Variants in CCNH observed in about 807,000 individuals in gnomAD.
CCNH encodes the protein cyclin H.
Under a neutral mutation model 41.9 loss-of-function variants are expected in CCNH, and 31 were observed. That is an observed-to-expected ratio of 0.74 (90% CI 0.56 to 1.00). The LOEUF is 1.00. Ranked by LOEUF, CCNH falls within the 50% of genes least tolerant of loss-of-function variation. CCNH has a pLI of 0.00. For missense variants in CCNH, 362 were observed against 388.4 expected (o/e 0.93, Z 0.57); for synonymous variants, 138 against 136.1 (o/e 1.01, Z -0.10).
At chr5:87,339,031 CCCTTT>C (rs1212220735) in intron 9 of CCNH, among the ~76,000 whole-genome samples, 4 of 152,116 alleles carry the variant, frequency 2.6e-5, no homozygotes, top group African/African-American at 7.2e-5. Flanking sequence ...TTGGAATTCT[CCCTTT>C]CCTTTCGGAT....
At position 87,332,357 on chromosome 5, in the gene CCNH, G is replaced by A. The variant is rs578169577; in HGVS notation, c.*91-13460C>T. On this transcript the variant is annotated intron_variant and NMD_transcript_variant, in intron 9 of 9. Transcript: ENST00000645953. Reference sequence around the variant, plus strand: ...ATAGCCCCAAGTAATTTACTGTGATGAAGATACTAATAAGTGGTATTTTAG... The same window carrying A: ...ATAGCCCCAAGTAATTTACTGTGATAAAGATACTAATAAGTGGTATTTTAG... The A allele has an allele frequency of 9.9e-5, 74 of 747,522 alleles. No individual in the cohort carries two copies. The East Asian group carries it at 1.9e-3, about 19-fold the overall frequency. The allele number at this position is 747,522 out of a possible 1,614,324, so 46.3% of individuals were successfully genotyped here.
At chr5:87,392,940 G>A (rs1169821164), downstream of CCNH, 2 of 152,190 alleles carry the variant, frequency 1.3e-5, no homozygotes, top group Non-Finnish European at 2.9e-5. Context: ...TGAACATCTT[G>A]TAATTCTGTC....
chr5:87,312,463 T>C, the CCNH span, among the ~76,000 whole-genome samples: 2 of 152,230 alleles, frequency 1.3e-5, no homozygotes, highest in African/African-American at 2.4e-5. Context: ...TCTAAACATT[T>C]AAGATTTTCT....
chr5:87,389,127 A>G (rs544933279), downstream of CCNH, among the ~76,000 whole-genome samples: 32 of 152,304 alleles, frequency 2.1e-4, no homozygotes, highest in African/African-American at 3.6e-4. Context: ...AATATACCCA[A>G]TTAGAATCTT....
rs560599430 is a variant in CCNH, at chr5:87,359,494, T to G, written c.*90+33276A>C. The stretch of plus-strand genomic sequence containing the variant: ...GCTAGTCCCCACTTTAATATGATTT[T>G]TAAAAGATCTATATAGATTCCAAGA... On this transcript the variant is annotated intron_variant and NMD_transcript_variant, in intron 9 of 9. Coordinates refer to the CCNH transcript ENST00000645953. Among the ~76,000 whole-genome samples, 3 of 152,174 alleles carry G rather than the reference T, an allele frequency of 2.0e-5. No individual in the cohort carries two copies. In the South Asian group the frequency reaches 6.2e-4, roughly 32 times the overall value.
intron 9 of CCNH, among the ~76,000 whole-genome samples, chr5:87,342,516 G>GA (rs1758546223): frequency 6.6e-6 from 1 of 152,158 alleles, no homozygotes; most frequent in South Asian, 2.1e-4. Flanking sequence ...GTAAGCAAGT[G>GA]AAGCGGGTCA....
chr5:87,334,901 T>G (rs1005924362), intron 9 of CCNH, among the ~76,000 whole-genome samples: 1 of 152,128 alleles, frequency 6.6e-6, no homozygotes, highest in Admixed American at 6.5e-5. Context: ...TTTTTTTTTT[T>G]GAGACAGAAT....
At chr5:87,344,965 C>G (rs1758747985) in intron 9 of CCNH, among the ~76,000 whole-genome samples, 1 of 152,056 alleles carries the variant, frequency 6.6e-6, no homozygotes, top group Non-Finnish European at 1.5e-5. Flanking sequence ...TCTGTTACTC[C>G]CAAAATGCCT....
intron 9 of CCNH, among the ~76,000 whole-genome samples, chr5:87,336,087 A>G (rs1465698578): frequency 6.6e-5 from 10 of 152,236 alleles, no homozygotes; most frequent in Non-Finnish European, 1.2e-4. Flanking sequence ...CAAAAAAATC[A>G]TATAGCAGCA....
In CCNH at chr5:87,376,573, A is replaced by G. The variant is rs1289712166; in HGVS notation, n.608T>C. 7 of 1,610,258 alleles carry G rather than the reference A, an allele frequency of 4.3e-6. No individual in the cohort carries two copies. Among genetic ancestry groups the G allele is most frequent in the East Asian group, 4.5e-5 (2 of 44,748 alleles). On this transcript the variant is annotated non_coding_transcript_exon_variant, in exon 1 of 1. Coordinates refer to the CCNH transcript ENST00000607486. ...TACAGTGAATTTAAAGAGGTATTAA[A>G]TTATTTATCAGTCTTGTTTTTGTTG...
At chr5:87,362,558 A>G (rs2112456398) in intron 9 of CCNH, 1 of 1,590,722 alleles carries the variant, frequency 6.3e-7, no homozygotes. Flanking sequence ...CAGGATCAAG[A>G]ACAAGTACTC....
chr5:87,372,239 C>CGT, downstream of CCNH: 1 of 1,546,970 alleles, frequency 6.5e-7, no homozygotes, highest in East Asian at 2.3e-5. Flanking sequence ...ACATTTTGCT[C>CGT]TAACACTTTG....
At chr5:87,390,908 T>C (rs1292631667), downstream of CCNH, 2 of 1,575,308 alleles carry the variant, frequency 1.3e-6, no homozygotes, top group South Asian at 1.1e-5. Context: ...GTGTTCTGCA[T>C]GGATTCAGCA....
intron 7 of CCNH, among the ~76,000 whole-genome samples, chr5:87,398,906 G>GAGCTTGC (rs1014808942): frequency 6.6e-6 from 1 of 151,762 alleles, no homozygotes; most frequent in Admixed American, 6.6e-5. Flanking sequence ...CTGGAAGGCA[G>GAGCTTGC]AGCTTGCAGT....
In CCNH at chr5:87,412,910, G is replaced by A; in HGVS notation, c.-116C>T. On this transcript the variant is annotated 5_prime_UTR_variant, in exon 1 of 9. Coordinates refer to ENST00000256897, the MANE Select transcript of CCNH (RefSeq NM_001239.4). ...ATCTCGCGGAAGCCTAGGGCGTCCGGCTAGCCGGCGCTGGCGCGCTGTCGT... is the reference window on the plus strand; with the variant it reads ...ATCTCGCGGAAGCCTAGGGCGTCCGACTAGCCGGCGCTGGCGCGCTGTCGT... The A allele has an allele frequency of 2.7e-6, 4 of 1,475,316 alleles. No individual in the cohort carries two copies. Among genetic ancestry groups the A allele is most frequent in the Non-Finnish European group, 3.6e-6 (4 of 1,113,142 alleles). The allele number at this position is 1,475,316 out of a possible 1,614,324, so 91.4% of individuals were successfully genotyped here. A position where few individuals can be genotyped will look rare whatever the true frequency, so the allele number is the denominator to read the frequency against.
intron 9 of CCNH, among the ~76,000 whole-genome samples, chr5:87,354,190 A>G (rs1406351222): frequency 1.3e-5 from 2 of 152,104 alleles, no homozygotes; most frequent in Admixed American, 1.3e-4. Context: ...GATAAATTCA[A>G]GAATCATAAT....
chr5:87,330,990 A>T, intron 9 of CCNH: 1 of 1,423,172 alleles, frequency 7.0e-7, no homozygotes, highest in Non-Finnish European at 9.2e-7. Context: ...CGAGGTAGTA[A>T]ATTAATCATT....
At chr5:87,353,573 A>C (rs892217119) in intron 9 of CCNH, among the ~76,000 whole-genome samples, 1 of 152,062 alleles carries the variant, frequency 6.6e-6, no homozygotes, top group African/African-American at 2.4e-5. Flanking sequence ...TAATAAAAGG[A>C]AATAAAAAAT....
intron 9 of CCNH, among the ~76,000 whole-genome samples, chr5:87,329,925 GAT>G (rs1209759094): frequency 1.3e-5 from 2 of 152,074 alleles, no homozygotes; most frequent in Non-Finnish European, 2.9e-5. Context: ...TTCCATTTCA[GAT>G]TTAAAAAGTC....
Sources: gnomAD v4.1 joint callset for allele counts (sites outside exome capture counted in the v4.1 genomes callset) on GRCh38, gnomAD v4.1.1 for gene constraint, MANE v1.5 for transcripts, NCBI Gene and HGNC (gene_info 2026-07-23, HGNC 2026-07-21) for gene names.